The following KRT86 variants were observed in gnomAD, a reference collection of about 807,000 sequenced individuals.
KRT86 encodes the protein keratin 86.
Under a neutral mutation model 41.2 loss-of-function variants are expected in KRT86, and 30 were observed. The observed-to-expected ratio is 0.73, with a 90% CI of 0.54 to 0.99. KRT86 has a LOEUF of 0.99. Among genes scored for constraint, KRT86 ranks in the 50% least tolerant of loss-of-function variants. The pLI, the probability that KRT86 is intolerant of heterozygous loss-of-function variation, is 0.00. For missense variants in KRT86, 561 were observed against 571.4 expected (o/e 0.98, Z 0.19); for synonymous variants, 238 against 238.1 (o/e 1.00, Z 0.00).
At chr12:52,301,250 GGA>G (rs1204118516) in intron 2 of KRT86, among the ~76,000 whole-genome samples, 46 of 151,652 alleles carry the variant, frequency 3.0e-4, no homozygotes, top group Non-Finnish European at 4.9e-4. Context: ...CCAGAGAGTG[GGA>G]GAGAGAGAGA....
intron 2 of KRT86, chr12:52,286,781 A>G (rs1363829829): frequency 3.7e-6 from 6 of 1,613,906 alleles, no homozygotes; most frequent in Non-Finnish European, 5.1e-6. Flanking sequence ...ACTGGACCCC[A>G]AATACTCACA....
At chr12:52,287,152 C>A (rs1330211570) in intron 2 of KRT86, 1 of 1,613,440 alleles carries the variant, frequency 6.2e-7, no homozygotes, top group Non-Finnish European at 8.5e-7. Flanking sequence ...TCTCGATGTC[C>A]AGGCCCAGCT....
rs779464624 is a variant in KRT86, at chr12:52,287,581, A to G, written c.-5+11635A>G. 3 of 1,613,914 alleles carry G rather than the reference A, an allele frequency of 1.9e-6. No individual in the cohort carries two copies. In the East Asian group the frequency reaches 6.7e-5, roughly 36 times the overall value. On this transcript the variant is annotated intron_variant, in intron 2 of 10. Transcript: ENST00000423955. ...GCCCTCGGTCTCTCTGACCTTGCGC[A>G]CAGATGCCCCATACCTGGCACTTGG...
intron 2 of KRT86, among the ~76,000 whole-genome samples, chr12:52,294,769 A>C (rs1487666638): frequency 6.6e-6 from 1 of 152,074 alleles, no homozygotes; most frequent in Non-Finnish European, 1.5e-5. Context: ...CCTCTCTTGC[A>C]TTTTGTGTTT....
At chr12:52,297,010 C>T (rs533819592) in intron 2 of KRT86, among the ~76,000 whole-genome samples, 19 of 152,366 alleles carry the variant, frequency 1.2e-4, no homozygotes, top group African/African-American at 4.1e-4. Context: ...GTCACAGTAT[C>T]TCATGATCCT....
intron 2 of KRT86, among the ~76,000 whole-genome samples, chr12:52,293,567 T>C (rs1331549978): frequency 4.6e-5 from 7 of 151,982 alleles, no homozygotes; most frequent in African/African-American, 1.5e-4. Context: ...GAGGGGTCAT[T>C]TAGGGACACA....
At chr12:52,298,406 A>G (rs567792279) in intron 2 of KRT86, among the ~76,000 whole-genome samples, 1 of 152,230 alleles carries the variant, frequency 6.6e-6, no homozygotes, top group Non-Finnish European at 1.5e-5. Context: ...TCCTTCTACA[A>G]GTTCTTTAAG....
At chr12:52,285,909 CA>C (rs1937913608) in intron 2 of KRT86, 1 of 370,778 alleles carries the variant, frequency 2.7e-6, no homozygotes. Context: ...ACACAAGACC[CA>C]GGTTGGCTAC....
intron 2 of KRT86, among the ~76,000 whole-genome samples, chr12:52,279,797 C>T (rs552610485): frequency 6.6e-6 from 1 of 152,182 alleles, no homozygotes; most frequent in Non-Finnish European, 1.5e-5. Context: ...GCCTGGGGCC[C>T]ATAGCTTCTG....
In KRT86 at chr12:52,288,085, G is replaced by A. The variant is rs754179104; in HGVS notation, c.-5+12139G>A. On this transcript the variant is annotated intron_variant, in intron 2 of 10. Transcript: ENST00000423955. ...ATGATGCAGTCCATGTTCAGGTCCCGGCTGTTGTCCAGCTTGACAACCACG... is the reference window on the plus strand; with the variant it reads ...ATGATGCAGTCCATGTTCAGGTCCCAGCTGTTGTCCAGCTTGACAACCACG... 2.3e-5 allele frequency: 37 copies of A among 1,613,972 alleles called. No homozygotes were observed. Among genetic ancestry groups the A allele is most frequent in the Middle Eastern group, 1.6e-4 (1 of 6,084 alleles).
intron 2 of KRT86, chr12:52,288,607 G>GCC: frequency 1.0e-6 from 1 of 997,846 alleles, no homozygotes; most frequent in Non-Finnish European, 1.6e-6. Context: ...TTCCTGGGAT[G>GCC]AGCTGGCATC....
At position 52,308,668 on chromosome 12, in the gene KRT86, C is replaced by T. The variant is rs867487129; in HGVS notation, c.*83C>T. The T allele has an allele frequency of 7.2e-7, 1 of 1,397,046 alleles. No homozygotes were observed. The allele number at this position is 1,397,046 out of a possible 1,614,324, so 86.5% of individuals were successfully genotyped here. On this transcript the variant is annotated 3_prime_UTR_variant, in exon 11 of 11. Transcript: ENST00000423955. ...GCGCCACCAGAACGCGCCGCCCGCGCCGGCCTCCCAATAGCCGCCGCCCGC... is the reference window on the plus strand; with the variant it reads ...GCGCCACCAGAACGCGCCGCCCGCGTCGGCCTCCCAATAGCCGCCGCCCGC...
At chr12:52,305,908 C>T (rs1235372241) in intron 8 of KRT86, 120 bp downstream of exon 8, 3 of 1,591,102 alleles carry the variant, frequency 1.9e-6, no homozygotes, top group African/African-American at 2.7e-5. Context: ...CATGTAGAGT[C>T]CCTGGTTGTG....
intron 2 of KRT86, chr12:52,291,653 T>G: frequency 1.3e-6 from 1 of 770,926 alleles, no homozygotes. Context: ...GTCTAACGCC[T>G]CTCCAGAATG....
At chr12:52,306,308 C>A (rs1332216034) in intron 9 of KRT86, 28 bp downstream of exon 9, 1 of 1,613,006 alleles carries the variant, frequency 6.2e-7, no homozygotes, top group South Asian at 1.1e-5. Flanking sequence ...TTCCCTTTCC[C>A]AGCCCTGCCA....
Position 52,308,901 on chromosome 12 carries a change from A to C in KRT86, c.*316A>C. 2.7e-6 allele frequency: 1 copy of C among 375,160 alleles called. No homozygotes were observed. The highest frequency in any genetic ancestry group is 4.9e-6 in the Non-Finnish European group (1 of 202,226). 23.2% of individuals were successfully genotyped at this position (375,160 alleles called of 1,614,324 possible). A position where few individuals can be genotyped will look rare whatever the true frequency, so the allele number is the denominator to read the frequency against. ...TGGTCTTGCCTGAGCTCTTCCCCAA[A>C]GCTTGGAGGAACGGGGGAGGCCCGG... On this transcript the variant is annotated 3_prime_UTR_variant, in exon 11 of 11. Transcript: ENST00000423955.
At chr12:52,292,899 G>T (rs1384347149) in intron 2 of KRT86, among the ~76,000 whole-genome samples, 2 of 152,314 alleles carry the variant, frequency 1.3e-5, no homozygotes, top group Non-Finnish European at 2.9e-5. Flanking sequence ...CACTTTGGGA[G>T]TCTGAGGGGG....
chr12:52,308,641 T>G lies in KRT86; in HGVS notation c.*56T>G. ...CGTCACTCTCCACCCAGCCAGTACC[T>G]CGCGCCACCAGAACGCGCCGCCCGC... On this transcript the variant is annotated 3_prime_UTR_variant, in exon 11 of 11. Transcript: ENST00000423955. 2 of 1,543,424 alleles carry G rather than the reference T, an allele frequency of 1.3e-6. No individual in the cohort carries two copies. Among genetic ancestry groups the G allele is most frequent in the South Asian group, 2.3e-5 (2 of 88,512 alleles).
intron 2 of KRT86, chr12:52,287,578 C>T (rs111635510): frequency 6.5e-5 from 105 of 1,613,886 alleles, no homozygotes; most frequent in African/African-American, 3.6e-4. Context: ...TCTGACCTTG[C>T]GCACAGATGC....
Sources: allele counts gnomAD v4.1 joint callset (sites outside exome capture counted in the v4.1 genomes callset), GRCh38; gene constraint gnomAD v4.1.1; transcripts MANE v1.5; gene names NCBI Gene and HGNC (gene_info 2026-07-23, HGNC 2026-07-21).